Variants in LINGO2 observed in about 807,000 individuals in gnomAD.
LINGO2 encodes leucine-rich repeat and immunoglobulin-like domain-containing nogo receptor-interacting protein 2.
In LINGO2, 14 loss-of-function variants were observed where a neutral mutation model predicts 30.6. The ratio of observed to expected loss-of-function variants is 0.46; its 90% CI spans 0.30 to 0.72. The LOEUF is 0.72. Ranked by LOEUF, LINGO2 falls within the 30% of genes least tolerant of loss-of-function variation. The pLI is 0.07. For synonymous variants in LINGO2, 317 were observed against 288.5 expected (o/e 1.10, Z -1.00); for missense variants, 729 against 751.7 (o/e 0.97, Z 0.35).
At chr9:28,730,185 A>G in the LINGO2 span, among the ~76,000 whole-genome samples, 4 of 152,162 alleles carry the variant, frequency 2.6e-5, no homozygotes, top group African/African-American at 9.7e-5. Flanking sequence ...CAATAAAGGG[A>G]ATAGCCAGTG....
chr9:29,151,445 G>T, the LINGO2 span, among the ~76,000 whole-genome samples: 1 of 152,118 alleles, frequency 6.6e-6, no homozygotes, highest in Non-Finnish European at 1.5e-5. Flanking sequence ...CCACTTAAAA[G>T]GAATAAAGTG....
At chr9:28,920,843 T>C in the LINGO2 span, among the ~76,000 whole-genome samples, 6 of 152,132 alleles carry the variant, frequency 3.9e-5, no homozygotes, top group Admixed American at 6.5e-5. Flanking sequence ...CACTTAAAAT[T>C]TGTTAGCAGG....
At chr9:28,641,968 C>A (rs936353155) in intron 1 of LINGO2, among the ~76,000 whole-genome samples, 4 of 151,776 alleles carry the variant, frequency 2.6e-5, no homozygotes, top group South Asian at 2.1e-4. Context: ...CTTACAAGTT[C>A]CCATGAAATT....
chr9:28,586,407 A>G (rs903637965), intron 1 of LINGO2, among the ~76,000 whole-genome samples: 1 of 151,952 alleles, frequency 6.6e-6, no homozygotes, highest in Non-Finnish European at 1.5e-5. Context: ...ATTGAATTTG[A>G]CCTCTTACCA....
chr9:28,897,864 T>C, the LINGO2 span, among the ~76,000 whole-genome samples: 1 of 152,122 alleles, frequency 6.6e-6, no homozygotes, highest in Non-Finnish European at 1.5e-5. Flanking sequence ...AAGTTTCCCA[T>C]AATAGATAGA....
At chr9:28,727,426 T>C in the LINGO2 span, among the ~76,000 whole-genome samples, 57,390 of 151,746 alleles carry the variant, frequency 0.38, 12,077 homozygotes, top group African/African-American at 0.55. Flanking sequence ...GCTGGGACTA[T>C]GGGTGCCCGC....
intron 4 of LINGO2, among the ~76,000 whole-genome samples, chr9:28,082,432 C>G (rs1208634840): frequency 1.3e-5 from 2 of 151,970 alleles, no homozygotes; most frequent in Admixed American, 6.6e-5. Context: ...TTAATGCTAT[C>G]TGAGCACAGA....
the LINGO2 span, among the ~76,000 whole-genome samples, chr9:29,117,454 C>G: frequency 6.6e-6 from 1 of 152,160 alleles, no homozygotes; most frequent in African/African-American, 2.4e-5. Context: ...AAAGCTGGCT[C>G]CAGCATATCA....
At chr9:29,117,747 T>C in the LINGO2 span, among the ~76,000 whole-genome samples, 2 of 152,224 alleles carry the variant, frequency 1.3e-5, no homozygotes, top group Non-Finnish European at 2.9e-5. Context: ...CGTTGTCATC[T>C]AATACCGTGT....
At chr9:28,964,977 T>TA in the LINGO2 span, among the ~76,000 whole-genome samples, 3 of 151,826 alleles carry the variant, frequency 2.0e-5, no homozygotes, top group East Asian at 3.9e-4. Flanking sequence ...CCAGTTTATA[T>TA]AAAAAATATA....
At chr9:29,165,555 T>C in the LINGO2 span, among the ~76,000 whole-genome samples, 8 of 151,986 alleles carry the variant, frequency 5.3e-5, no homozygotes, top group South Asian at 2.1e-4. Context: ...TAAGCTATAA[T>C]TGATTTTCTC....
At chr9:28,377,450 T>G (rs1587572431) in intron 2 of LINGO2, among the ~76,000 whole-genome samples, 1 of 152,300 alleles carries the variant, frequency 6.6e-6, no homozygotes, top group African/African-American at 2.4e-5. Context: ...CTTAACCTAC[T>G]GTTTATGTTA....
intron 1 of LINGO2, among the ~76,000 whole-genome samples, chr9:28,661,431 C>T (rs1051330099): frequency 6.6e-6 from 1 of 152,086 alleles, no homozygotes; most frequent in Admixed American, 6.6e-5. Context: ...TCAAAACTGC[C>T]TGCCCATTGA....
upstream of LINGO2, among the ~76,000 whole-genome samples, chr9:28,671,513 C>CA (rs11286682): frequency 0.46 from 48,622 of 105,466 alleles, 12,780 homozygotes; most frequent in Non-Finnish European, 0.59. Flanking sequence ...TTATCTTAAG[C>CA]AAAAAAAAAA....
rs1563927275 is a variant in LINGO2 at position 28,031,352 on chromosome 9, G to GT, written c.-86-18948_-86-18947insA. Among the ~76,000 whole-genome samples, 4 of 139,622 alleles carry GT rather than the reference G, an allele frequency of 2.9e-5. No homozygotes were observed. The East Asian group carries it at 1.0e-3, about 35-fold the overall frequency. 91.6% of individuals were successfully genotyped at this position (139,622 alleles called of 152,430 possible). A position where few individuals can be genotyped will look rare whatever the true frequency, so the allele number is the denominator to read the frequency against. ...ACCCACTTCAGTAGAAAAACAGGAT[G>GT]GTTTTTTTTTTTTTTTACAATTTTT... On this transcript the variant is annotated intron_variant, in intron 4 of 5. Transcript: ENST00000379992.
chr9:28,604,532 G>T (rs550851953), intron 1 of LINGO2, among the ~76,000 whole-genome samples: 1 of 151,934 alleles, frequency 6.6e-6, no homozygotes, highest in African/African-American at 2.4e-5. Flanking sequence ...AAGACACCAC[G>T]GTTTAACATT....
At chr9:28,872,765 C>G in the LINGO2 span, among the ~76,000 whole-genome samples, 3 of 152,072 alleles carry the variant, frequency 2.0e-5, no homozygotes, top group African/African-American at 7.2e-5. Context: ...AGTTCTGCAC[C>G]TACAATCTTG....
chr9:28,141,921 A>G (rs1292628988), intron 4 of LINGO2, among the ~76,000 whole-genome samples: 5 of 152,208 alleles, frequency 3.3e-5, no homozygotes, highest in African/African-American at 4.8e-5. Context: ...CAAAAAACAC[A>G]AAATTCTTAG....
chr9:28,786,042 A>C, the LINGO2 span, among the ~76,000 whole-genome samples: 9 of 152,142 alleles, frequency 5.9e-5, no homozygotes, highest in East Asian at 1.7e-3. Flanking sequence ...CTCTCTGGTC[A>C]CTCATAGGTC....
Sources: allele counts gnomAD v4.1 joint callset (sites outside exome capture counted in the v4.1 genomes callset), GRCh38; gene constraint gnomAD v4.1.1; transcripts MANE v1.5; gene names NCBI Gene and HGNC (gene_info 2026-07-23, HGNC 2026-07-21).